Variants in WDR48 observed in about 807,000 individuals in gnomAD.
WDR48 encodes the protein WD repeat domain 48.
In WDR48, 22 loss-of-function variants were observed where a neutral mutation model predicts 94.0. The ratio of observed to expected loss-of-function variants is 0.23; its 90% CI spans 0.17 to 0.33. The LOEUF (loss-of-function observed/expected upper bound fraction) is 0.33. WDR48 is among the 10% of genes least tolerant of loss of function. The pLI is 1.00. For missense variants in WDR48, 541 were observed against 813.8 expected, an observed-to-expected ratio of 0.66 and a Z score of 4.08; for synonymous variants, 278 against 280.5, an observed-to-expected ratio of 0.99 and a Z score of 0.09.
At chr3:39,074,571 CTGTGGTGCATGGT>C (rs2034114215) in intron 7 of WDR48, among the ~76,000 whole-genome samples, 142 bp from the exon 8 acceptor site, 1 of 152,278 alleles carries the variant, frequency 6.6e-6, no homozygotes, top group African/African-American at 2.4e-5. Flanking sequence ...TCACTTTAGC[CTGTGGTGCATGGT>C]TGTCAAGCCT....
chr3:39,064,143 G>C (rs1161773728), intron 2 of WDR48, among the ~76,000 whole-genome samples: 1 of 151,972 alleles, frequency 6.6e-6, no homozygotes, highest in African/African-American at 2.4e-5. Flanking sequence ...GAGAAAAGAA[G>C]AATCAGGGAA....
chr3:39,053,350 GTCT>G (rs998349841), intron 1 of WDR48, among the ~76,000 whole-genome samples: 9 of 152,184 alleles, frequency 5.9e-5, no homozygotes, highest in Admixed American at 2.0e-4. Context: ...AGGCCATAAA[GTCT>G]TCTGATTAGT....
chr3:39,081,782 T>C lies in WDR48; in HGVS notation c.1173+1974T>C, dbSNP rs529697819. On this transcript the variant is annotated intron_variant, in intron 11 of 18. Transcript: ENST00000302313. ...CTGTATATGGGTCTGTTGCCCACTC[T>C]TGGTCTGGTTAACTGAGGCCTGAGT... Among the ~76,000 whole-genome samples, 140 of 152,362 alleles carry C rather than the reference T, an allele frequency of 9.2e-4. 1 individual carries two copies. The highest frequency in any genetic ancestry group is 2.5e-3 in the African/African-American group (102 of 41,594).
At chr3:39,055,163 C>G (rs1559592749) in intron 1 of WDR48, among the ~76,000 whole-genome samples, 1 of 152,172 alleles carries the variant, frequency 6.6e-6, no homozygotes, top group Non-Finnish European at 1.5e-5. Context: ...TAGGCCAAGA[C>G]AAACCCTTGA....
At position 39,063,027 on chromosome 3, in the gene WDR48, G is replaced by A. The variant is rs199747424; in HGVS notation, c.49-23G>A. 1.9e-5 allele frequency: 31 copies of A among 1,613,318 alleles called. 1 individual carries two copies. Among genetic ancestry groups the A allele is most frequent in the Middle Eastern group, 3.3e-4 (2 of 6,056 alleles). On this transcript the variant is annotated intron_variant, in intron 1 of 18. Transcript: ENST00000302313. Reference sequence around the variant, plus strand: ...CTGCATGGCTTGTACTTTATAAAAAGCATATGTTGACACATTTGTCAGGTT... The same window carrying A: ...CTGCATGGCTTGTACTTTATAAAAAACATATGTTGACACATTTGTCAGGTT...
chr3:39,076,778 A>G (rs187722502), intron 8 of WDR48, among the ~76,000 whole-genome samples: 5 of 152,366 alleles, frequency 3.3e-5, no homozygotes, highest in Admixed American at 3.3e-4. Context: ...CAAAGTAAAA[A>G]GAAATTTATT....
chr3:39,057,222 T>C (rs532744779), intron 1 of WDR48, among the ~76,000 whole-genome samples: 136 of 152,182 alleles, frequency 8.9e-4, no homozygotes, highest in Middle Eastern at 3.2e-3. Context: ...GAGGAGATAT[T>C]GAGGGTAGTT....
At chr3:39,078,279 G>A (rs1168875368) in intron 10 of WDR48, 40 bp downstream of exon 10, 1 of 1,390,992 alleles carries the variant, frequency 7.2e-7, no homozygotes, top group Non-Finnish European at 1.0e-6. Context: ...ATTGAAGTTA[G>A]CGATAGTTAC....
chr3:39,075,696 A>AT (rs1332705894), intron 8 of WDR48, among the ~76,000 whole-genome samples: 1,520 of 144,602 alleles, frequency 0.011, 11 homozygotes, highest in Non-Finnish European at 0.015. Context: ...AGTTTCCAAA[A>AT]TTTTTTTTTT....
At chr3:39,053,662 ACTC>A in intron 1 of WDR48, among the ~76,000 whole-genome samples, 1 of 152,036 alleles carries the variant, frequency 6.6e-6, no homozygotes, top group Admixed American at 6.5e-5. Flanking sequence ...AAGACTTAAA[ACTC>A]CTATTACTGC....
chr3:39,052,385 C>T (rs2032483275), intron 1 of WDR48: 2 of 339,014 alleles, frequency 5.9e-6, no homozygotes, highest in Non-Finnish European at 5.5e-6. Context: ...CGCCCACTTG[C>T]CTCCCCCTTG....
rs2125689017 is a variant in WDR48, at chr3:39,094,162, G to A, written c.1938+96G>A. 9 of 1,501,510 alleles carry A rather than the reference G, an allele frequency of 6.0e-6. No homozygotes were observed. In the South Asian group the frequency reaches 1.3e-4, roughly 22 times the overall value. The allele number at this position is 1,501,510 out of a possible 1,614,324, so 93.0% of individuals were successfully genotyped here. A position where few individuals can be genotyped will look rare whatever the true frequency, so the allele number is the denominator to read the frequency against. On this transcript the variant is annotated intron_variant, in intron 18 of 18. Coordinates refer to ENST00000302313, the MANE Select transcript of WDR48 (RefSeq NM_020839.4). ...GGTGGGGGGCTTCTACTTTTAGAGGGGCTCTAAGGAGCCCTGGGCCTCTCC... is the reference window on the plus strand; with the variant it reads ...GGTGGGGGGCTTCTACTTTTAGAGGAGCTCTAAGGAGCCCTGGGCCTCTCC...
chr3:39,068,712 G>A, intron 5 of WDR48, 59 bp from the exon 6 acceptor site: 2 of 1,293,062 alleles, frequency 1.5e-6, no homozygotes, highest in Middle Eastern at 1.9e-4. Flanking sequence ...AGTTTTTGCT[G>A]ACTAGTTACT....
At chr3:39,094,175 C>T in intron 18 of WDR48, 109 bp downstream of exon 18, 1 of 1,483,698 alleles carries the variant, frequency 6.7e-7, no homozygotes, top group East Asian at 2.4e-5. Context: ...TCTAAGGAGC[C>T]CTGGGCCTCT....
chr3:39,076,032 A>G (rs2034206479), intron 8 of WDR48, among the ~76,000 whole-genome samples: 1 of 152,196 alleles, frequency 6.6e-6, no homozygotes, highest in Admixed American at 6.5e-5. Flanking sequence ...GCAGAAAAAT[A>G]CTACTACTCC....
rs756569555 is a variant in WDR48, at chr3:39,063,019, T to C, written c.49-31T>C. On this transcript the variant is annotated intron_variant, in intron 1 of 18. Transcript: ENST00000302313. Reference sequence around the variant, plus strand: ...TTTTATTACTGCATGGCTTGTACTTTATAAAAAGCATATGTTGACACATTT... The same window carrying C: ...TTTTATTACTGCATGGCTTGTACTTCATAAAAAGCATATGTTGACACATTT... The C allele has an allele frequency of 7.4e-6, 12 of 1,612,498 alleles. No individual in the cohort carries two copies. The East Asian group carries it at 1.1e-4, about 15-fold the overall frequency.
Position 39,066,887 on chromosome 3 carries a change from A to G in WDR48, c.481+12A>G, listed in dbSNP as rs749514841. ...TAACACTGTCACAAGTAAGGTGTTTAAAAGAAACTTCTTTGAAAGTGATCC... is the reference window on the plus strand; with the variant it reads ...TAACACTGTCACAAGTAAGGTGTTTGAAAGAAACTTCTTTGAAAGTGATCC... On this transcript the variant is annotated intron_variant, in intron 5 of 18. Coordinates refer to ENST00000302313, the MANE Select transcript of WDR48 (RefSeq NM_020839.4). 5 of 1,605,174 alleles carry G rather than the reference A, an allele frequency of 3.1e-6. No homozygotes were observed. In the South Asian group the frequency reaches 4.5e-5, roughly 14 times the overall value.
chr3:39,053,463 C>T (rs1320986962), intron 1 of WDR48, among the ~76,000 whole-genome samples: 9 of 152,162 alleles, frequency 5.9e-5, no homozygotes, highest in Non-Finnish European at 1.2e-4. Context: ...TAAACTCACC[C>T]TATTAGGTGT....
chr3:39,081,366 A>G (rs115430797), intron 11 of WDR48, among the ~76,000 whole-genome samples: 6 of 152,202 alleles, frequency 3.9e-5, no homozygotes, highest in Admixed American at 1.3e-4. Context: ...TGGGACATCT[A>G]TGTGGGAAGT....
Sources: gnomAD v4.1 joint callset for allele counts (sites outside exome capture counted in the v4.1 genomes callset) on GRCh38, gnomAD v4.1.1 for gene constraint, MANE v1.5 for transcripts, NCBI Gene and HGNC (gene_info 2026-07-23, HGNC 2026-07-21) for gene names.